LRBA: variants seen among roughly 807,000 people sequenced by gnomAD.
LRBA encodes the protein lipopolysaccharide-responsive and beige-like anchor protein.
LRBA carries 176 observed loss-of-function variants against 330.0 expected under a neutral mutation model. That is an observed-to-expected ratio of 0.53 (90% CI 0.47 to 0.60). LRBA has a LOEUF of 0.60. Among genes scored for constraint, LRBA ranks in the 20% least tolerant of loss-of-function variants. The pLI is 0.00. For missense variants in LRBA, 3,259 were observed against 3,444.8 expected (o/e 0.95, Z 1.35); for synonymous variants, 1,230 against 1,193.0 (o/e 1.03, Z -0.64).
intron 47 of LRBA, among the ~76,000 whole-genome samples, chr4:150,373,056 G>A (rs1431784653): frequency 4.6e-5 from 7 of 151,362 alleles, no homozygotes; most frequent in Admixed American, 2.0e-4. Context: ...CATTTTGGAA[G>A]CAGATATTCC....
intron 36 of LRBA, among the ~76,000 whole-genome samples, chr4:150,694,280 G>A (rs537242066): frequency 2.6e-5 from 4 of 151,906 alleles, no homozygotes; most frequent in Non-Finnish European, 5.9e-5. Flanking sequence ...TGCTAAACAC[G>A]TTTAAGTGTA....
intron 2 of LRBA, among the ~76,000 whole-genome samples, chr4:150,929,747 A>C (rs1053624884): frequency 1.3e-5 from 2 of 152,192 alleles, no homozygotes; most frequent in African/African-American, 4.8e-5. Flanking sequence ...GTGTAAAGGA[A>C]TTAAAATACT....
At chr4:150,909,679 T>C (rs1179339250) in intron 9 of LRBA, among the ~76,000 whole-genome samples, 1 of 152,160 alleles carries the variant, frequency 6.6e-6, no homozygotes, top group Non-Finnish European at 1.5e-5. Flanking sequence ...ATATATCCCA[T>C]AAGTGAGATT....
At chr4:150,770,584 TATACAC>T (rs750036526) in intron 34 of LRBA, among the ~76,000 whole-genome samples, 1,271 of 52,184 alleles carry the variant, frequency 0.024, 8 homozygotes, top group Non-Finnish European at 0.05. Context: ...TATATATATA[TATACAC>T]ACACACACAC....
At chr4:150,527,831 T>C (rs10021103) in intron 40 of LRBA, among the ~76,000 whole-genome samples, 10,200 of 152,238 alleles carry the variant, frequency 0.067, 556 homozygotes, top group East Asian at 0.18. Context: ...AGAAGCCTTG[T>C]TCTCCAGGGA....
At chr4:150,566,623 TACTA>T (rs1444324766) in intron 40 of LRBA, among the ~76,000 whole-genome samples, 2 of 152,108 alleles carry the variant, frequency 1.3e-5, no homozygotes, top group African/African-American at 4.8e-5. Context: ...AAGTAACTGA[TACTA>T]ACTTCACATT....
intron 47 of LRBA, among the ~76,000 whole-genome samples, chr4:150,398,574 A>G (rs975018838): frequency 1.3e-5 from 2 of 152,162 alleles, no homozygotes; most frequent in African/African-American, 4.8e-5. Flanking sequence ...AGAGGCATTC[A>G]TGAAGGTGGA....
chr4:150,490,822 TA>T (rs1233765096), intron 41 of LRBA, 95 bp downstream of exon 41: 3 of 609,456 alleles, frequency 4.9e-6, no homozygotes, highest in Non-Finnish European at 8.3e-6. Flanking sequence ...GGGCTACAAA[TA>T]ACTATCTAAA....
chr4:150,795,735 T>C (rs1740687759), intron 34 of LRBA, among the ~76,000 whole-genome samples: 1 of 151,974 alleles, frequency 6.6e-6, no homozygotes, highest in African/African-American at 2.4e-5. Context: ...ATGACAATCT[T>C]AGTCAAAACA....
At chr4:150,582,769 G>A in intron 40 of LRBA, 1 of 429,692 alleles carries the variant, frequency 2.3e-6, no homozygotes, top group Non-Finnish European at 4.1e-6. Context: ...GGTTCCAAGA[G>A]GTACTTTTCT....
intron 42 of LRBA, among the ~76,000 whole-genome samples, chr4:150,475,481 T>A (rs1756605750): frequency 6.6e-6 from 1 of 152,220 alleles, no homozygotes. Flanking sequence ...TATTCAAATT[T>A]CCAATTTCTT....
intron 56 of LRBA, among the ~76,000 whole-genome samples, chr4:150,273,545 AGTGTGCTAT>A (rs1327485162): frequency 2.6e-5 from 4 of 152,136 alleles, no homozygotes; most frequent in Non-Finnish European, 2.9e-5. Context: ...AAGACCCATC[AGTGTGCTAT>A]ATTCAGGAGA....
intron 40 of LRBA, among the ~76,000 whole-genome samples, chr4:150,521,757 C>T (rs1315964348): frequency 6.6e-6 from 1 of 152,086 alleles, no homozygotes; most frequent in African/African-American, 2.4e-5. Flanking sequence ...CCTTTTATAA[C>T]CAAACAAATG....
At chr4:150,351,754 G>C (rs1393795431) in intron 47 of LRBA, among the ~76,000 whole-genome samples, 3 of 152,126 alleles carry the variant, frequency 2.0e-5, no homozygotes, top group Non-Finnish European at 4.4e-5. Context: ...TATGTTCTTC[G>C]AAGACCCCCA....
intron 35 of LRBA, among the ~76,000 whole-genome samples, chr4:150,742,948 C>A (rs1732216065): frequency 6.6e-6 from 1 of 152,030 alleles, no homozygotes; most frequent in African/African-American, 2.4e-5. Context: ...AAACTTGGAT[C>A]CAAAGCAATT....
At chr4:150,768,495 T>C (rs554478596) in intron 34 of LRBA, among the ~76,000 whole-genome samples, 1 of 152,306 alleles carries the variant, frequency 6.6e-6, no homozygotes, top group South Asian at 2.1e-4. Context: ...AAGGAAATTA[T>C]TAAAAAGCTA....
chr4:150,542,437 T>C (rs1561326070), intron 40 of LRBA, among the ~76,000 whole-genome samples: 1 of 152,236 alleles, frequency 6.6e-6, no homozygotes, highest in Non-Finnish European at 1.5e-5. Flanking sequence ...TATGACCTTT[T>C]CCTTCATTTG....
chr4:150,843,605 G>A (rs1455185333), intron 28 of LRBA, among the ~76,000 whole-genome samples: 2 of 152,030 alleles, frequency 1.3e-5, no homozygotes, highest in Non-Finnish European at 2.9e-5. Flanking sequence ...TACCTTTGAG[G>A]AAAAAATATC....
intron 48 of LRBA, among the ~76,000 whole-genome samples, chr4:150,334,185 T>A (rs1217380415): frequency 6.6e-6 from 1 of 151,982 alleles, no homozygotes; most frequent in Non-Finnish European, 1.5e-5. Context: ...GCCTGAGAAA[T>A]AAAATACAGA....
Sources: gnomAD v4.1 joint callset for allele counts (sites outside exome capture counted in the v4.1 genomes callset) on GRCh38, gnomAD v4.1.1 for gene constraint, MANE v1.5 for transcripts, NCBI Gene and HGNC (gene_info 2026-07-23, HGNC 2026-07-21) for gene names.